The following COL5A1 variants were observed in gnomAD, a reference collection of about 807,000 sequenced individuals.
COL5A1 encodes collagen alpha-1(V) chain.
A neutral mutation model predicts 263.7 loss-of-function variants in COL5A1; 16 were observed. The ratio of observed to expected loss-of-function variants is 0.06; its 90% confidence interval spans 0.04 to 0.09. COL5A1 has a LOEUF of 0.09. Among genes scored for constraint, COL5A1 ranks in the 10% least tolerant of loss-of-function variants. The pLI is 1.00. For synonymous variants in COL5A1, 1,012 were observed against 1,004.5 expected, an observed-to-expected ratio of 1.01 and a Z score of -0.14; for missense variants, 2,036 against 2,540.5, an observed-to-expected ratio of 0.80 and a Z score of 4.27.
At chr9:134,804,122 TGAA>T (rs1315937299) in intron 39 of COL5A1, among the ~76,000 whole-genome samples, 2 of 151,658 alleles carry the variant, frequency 1.3e-5, no homozygotes, top group African/African-American at 2.4e-5. Context: ...GTGAAGCAAA[TGAA>T]GAAATACTGA....
At chr9:134,793,389 G>GGA (rs1554801168) in intron 32 of COL5A1, among the ~76,000 whole-genome samples, 2 of 151,766 alleles carry the variant, frequency 1.3e-5, no homozygotes, top group African/African-American at 4.9e-5. Context: ...GAGGCTGGGG[G>GGA]GGGCATTCTG....
chr9:134,814,565 CA>C (rs1479447720), intron 49 of COL5A1, among the ~76,000 whole-genome samples: 4 of 152,228 alleles, frequency 2.6e-5, no homozygotes, highest in Non-Finnish European at 5.9e-5. Context: ...AGCTGAATCT[CA>C]GGCTTTGAGG....
rs553680134 is a variant in COL5A1, at chr9:134,642,700, C to T, written c.109+404C>T. On this transcript the variant is annotated intron_variant, in intron 1 of 65. Coordinates refer to ENST00000371817, the MANE Select transcript of COL5A1 (RefSeq NM_000093.5). The surrounding 1 kb of genome is among the most constrained non-coding windows in gnomAD (Gnocchi z 4.5). Reference sequence around the variant, plus strand: ...CTCTGCTCCAAACCGGGCAGGGCCGCCCCCTAGAGTTACAGCCCTTCAAAT... The same window carrying T: ...CTCTGCTCCAAACCGGGCAGGGCCGTCCCCTAGAGTTACAGCCCTTCAAAT... Among the ~76,000 whole-genome samples, 2 of 152,342 alleles carry T rather than the reference C, an allele frequency of 1.3e-5. No homozygotes were observed. Among genetic ancestry groups the T allele is most frequent in the Admixed American group, 1.3e-4 (2 of 15,310 alleles).
At chr9:134,651,199 A>G (rs1831670015) in intron 1 of COL5A1, among the ~76,000 whole-genome samples, 1 of 152,270 alleles carries the variant, frequency 6.6e-6, no homozygotes, top group Admixed American at 6.5e-5. Context: ...ATGCACATCA[A>G]GCCTGGGCAC....
At chr9:134,683,198 G>T (rs957875290) in intron 1 of COL5A1, among the ~76,000 whole-genome samples, 6 of 152,200 alleles carry the variant, frequency 3.9e-5, no homozygotes, top group African/African-American at 9.6e-5. Context: ...ACCTCCTCCC[G>T]TGGCAGTGCT....
chr9:134,719,205 T>G (rs943093107), intron 4 of COL5A1, among the ~76,000 whole-genome samples: 1 of 152,192 alleles, frequency 6.6e-6, no homozygotes, highest in African/African-American at 2.4e-5. Flanking sequence ...TGTTCACATA[T>G]GCACACAAGG....
At chr9:134,796,815 CTT>C in intron 35 of COL5A1, 31 bp from the exon 36 acceptor site, 1 of 1,608,764 alleles carries the variant, frequency 6.2e-7, no homozygotes, top group East Asian at 2.2e-5. Flanking sequence ...GGAGAGACCT[CTT>C]GTCCTCAAAC....
At chr9:134,830,240 C>T (rs1004424476) in intron 64 of COL5A1, 196 bp downstream of exon 64, 7 of 1,500,306 alleles carry the variant, frequency 4.7e-6, no homozygotes, top group Non-Finnish European at 6.4e-6. Context: ...TGGCTCGCGG[C>T]TCTGCATGGC....
intron 63 of COL5A1, 57 bp downstream of exon 63, chr9:134,825,961 T>G (rs1429875569): frequency 2.7e-6 from 3 of 1,117,018 alleles, no homozygotes; most frequent in Non-Finnish European, 2.7e-6. Flanking sequence ...GACAGGGCCA[T>G]GCCGAGGGCT....
chr9:134,744,628 C>T (rs1398798902), intron 11 of COL5A1, among the ~76,000 whole-genome samples: 1 of 152,056 alleles, frequency 6.6e-6, no homozygotes, highest in African/African-American at 2.4e-5. Flanking sequence ...CACTCATGCA[C>T]ACACTCACCC....
At chr9:134,810,506 T>C in intron 44 of COL5A1, 198 bp downstream of exon 44, 1 of 591,144 alleles carries the variant, frequency 1.7e-6, no homozygotes, top group African/African-American at 1.9e-5. Flanking sequence ...TGAGTCTCTC[T>C]GTGTTAGAAT....
intron 4 of COL5A1, among the ~76,000 whole-genome samples, chr9:134,718,565 G>A (rs571606254): frequency 6.6e-6 from 1 of 152,320 alleles, no homozygotes; most frequent in East Asian, 1.9e-4. Context: ...GGAGAAGCCT[G>A]AATCTGCCAG....
chr9:134,809,603 A>T (rs1216440236), intron 43 of COL5A1, among the ~76,000 whole-genome samples: 1 of 152,212 alleles, frequency 6.6e-6, no homozygotes, highest in Non-Finnish European at 1.5e-5. Context: ...CCCCCGAATA[A>T]TTTCAAATTC....
Position 134,727,252 on chromosome 9 carries a change from C to T in COL5A1, c.655-14C>T, listed in dbSNP as rs1362706679. On this transcript the variant is annotated splice_polypyrimidine_tract_variant and intron_variant, in intron 4 of 65. Transcript: ENST00000371817. Reference sequence around the variant, plus strand: ...CTGTGAGCTGCTTTTTCATGAGCGTCTCTTCTTTTCCAGGGTGACATCCAG... The same window carrying T: ...CTGTGAGCTGCTTTTTCATGAGCGTTTCTTCTTTTCCAGGGTGACATCCAG... The T allele has an allele frequency of 1.9e-6, 3 of 1,613,310 alleles. No homozygotes were observed. The highest frequency in any genetic ancestry group is 3.3e-5 in the Admixed American group (2 of 60,018).
At chr9:134,709,033 A>G in intron 4 of COL5A1, 1 of 436,590 alleles carries the variant, frequency 2.3e-6, no homozygotes, top group African/African-American at 2.0e-5. Flanking sequence ...GCCCATCCTA[A>G]TCTAGGATGT....
rs111752866 is a variant in COL5A1, at chr9:134,681,539, G to A, written c.110-9373G>A. ...GCCAGCTGTGTCTGGAGAGGCCAGC[G>A]TGTGCCTGTGGTTTCGGGAGCCTGT... On this transcript the variant is annotated intron_variant, in intron 1 of 65. Coordinates refer to ENST00000371817, the MANE Select transcript of COL5A1 (RefSeq NM_000093.5). This position sits in a 1 kb window ranked among gnomAD's most constrained non-coding sequence, Gnocchi z 4.3. Among the ~76,000 whole-genome samples, 2,634 of 152,296 alleles carry A rather than the reference G, an allele frequency of 0.017. 74 individuals are homozygous for A. Among genetic ancestry groups the A allele is most frequent in the African/African-American group, 0.059 (2,440 of 41,560 alleles).
intron 32 of COL5A1, among the ~76,000 whole-genome samples, chr9:134,790,604 A>AT (rs1415444007): frequency 6.9e-4 from 67 of 97,434 alleles, no homozygotes; most frequent in Non-Finnish European, 1.1e-3. Flanking sequence ...CCATCCACCC[A>AT]CCCATCCATC....
At chr9:134,803,177 G>A (rs531781935) in intron 39 of COL5A1, among the ~76,000 whole-genome samples, 182 bp downstream of exon 39, 27 of 152,222 alleles carry the variant, frequency 1.8e-4, no homozygotes, top group African/African-American at 3.6e-4. Context: ...CAGGAGTCGC[G>A]CTGACCTGCT....
intron 39 of COL5A1, 122 bp from the exon 40 acceptor site, chr9:134,804,853 T>C (rs1323915140): frequency 1.7e-5 from 14 of 821,632 alleles, no homozygotes; most frequent in Non-Finnish European, 2.9e-5. Flanking sequence ...GCTCTGGGAC[T>C]GGTGAGAGGT....
Sources: gnomAD v4.1 joint callset for allele counts (sites outside exome capture counted in the v4.1 genomes callset) on GRCh38, gnomAD v4.1.1 for gene constraint, Gnocchi (gnomAD v3.1) non-coding constraint, MANE v1.5 for transcripts, NCBI Gene and HGNC (gene_info 2026-07-23, HGNC 2026-07-21) for gene names.